ZNF407: variants seen among roughly 807,000 people sequenced by gnomAD.
The protein encoded by ZNF407 is zinc finger protein 407.
A neutral mutation model predicts 131.2 loss-of-function variants in ZNF407; 17 were observed. That is an observed-to-expected ratio of 0.13 (90% confidence interval 0.09 to 0.19). The LOEUF (loss-of-function observed/expected upper bound fraction) is 0.19. ZNF407 is among the 10% of genes least tolerant of loss of function. The pLI, the probability that ZNF407 is intolerant of heterozygous loss-of-function variation, is 1.00. For synonymous variants in ZNF407, 1,156 were observed against 1,062.0 expected, an observed-to-expected ratio of 1.09 and a Z score of -1.72; for missense variants, 2,681 against 2,830.6, an observed-to-expected ratio of 0.95 and a Z score of 1.20.
At chr18:74,696,870 C>T (rs1967370887) in intron 3 of ZNF407, among the ~76,000 whole-genome samples, 1 of 152,120 alleles carries the variant, frequency 6.6e-6, no homozygotes. Flanking sequence ...GCATCCTTCA[C>T]AGACCTTTTT....
intron 3 of ZNF407, among the ~76,000 whole-genome samples, chr18:74,671,330 G>GTT (rs199618461): frequency 9.4e-5 from 14 of 149,236 alleles, no homozygotes; most frequent in African/African-American, 3.4e-4. Flanking sequence ...GTTTTTTTTT[G>GTT]TTTTTTTTGG....
chr18:74,772,042 G>A (rs1313652340), intron 3 of ZNF407, among the ~76,000 whole-genome samples: 1 of 152,176 alleles, frequency 6.6e-6, no homozygotes, highest in Non-Finnish European at 1.5e-5. Flanking sequence ...GAAGTATGGA[G>A]TGGTGGAGAG....
intron 1 of ZNF407, among the ~76,000 whole-genome samples, chr18:74,628,931 C>T (rs1202824325): frequency 6.6e-6 from 1 of 152,136 alleles, no homozygotes; most frequent in Admixed American, 6.5e-5. Context: ...GTGGATACCG[C>T]ATTTTCTTGA....
intron 1 of ZNF407, among the ~76,000 whole-genome samples, chr18:74,607,563 C>G (rs958192966): frequency 2.5e-4 from 38 of 151,948 alleles, no homozygotes; most frequent in African/African-American, 8.9e-4. Context: ...CTGTTTGTCA[C>G]GACCACTGGC....
chr18:74,726,200 C>A (rs1348688450), intron 3 of ZNF407, among the ~76,000 whole-genome samples: 1 of 152,128 alleles, frequency 6.6e-6, no homozygotes, highest in Non-Finnish European at 1.5e-5. Context: ...TTCGTTGCAT[C>A]TCAAGCTCTT....
chr18:74,938,848 T>G (rs180978246), intron 8 of ZNF407, among the ~76,000 whole-genome samples: 2 of 152,142 alleles, frequency 1.3e-5, no homozygotes, highest in Non-Finnish European at 2.9e-5. Flanking sequence ...CTCTAGAAAA[T>G]GATCTGTTCA....
chr18:74,700,022 A>C (rs1442531928), intron 3 of ZNF407, among the ~76,000 whole-genome samples: 4 of 152,144 alleles, frequency 2.6e-5, no homozygotes, highest in Non-Finnish European at 4.4e-5. Context: ...CCATAGCATA[A>C]ATATGGTTAC....
chr18:74,886,241 G>C (rs1347616114), intron 6 of ZNF407, among the ~76,000 whole-genome samples: 2 of 152,168 alleles, frequency 1.3e-5, no homozygotes, highest in African/African-American at 4.8e-5. Context: ...AGGAATGCAG[G>C]TGTAAAGCGT....
In ZNF407 at chr18:74,920,700, A is replaced by G; in HGVS notation, c.5428+8A>G. ...TCGCTTACCTGCATGCTGGTAAGGG[A>G]CAGAAACTGTGAAAACTTGTTTCTA... On this transcript the variant is annotated splice_region_variant and intron_variant, in intron 8 of 8. Transcript: ENST00000299687. The G allele has an allele frequency of 6.3e-7, 1 of 1,587,846 alleles. No homozygotes were observed. The highest frequency in any genetic ancestry group is 1.1e-5 in the South Asian group (1 of 89,620).
At chr18:75,029,617 C>CTGGGTGTGCG (rs1057370215) in intron 8 of ZNF407, among the ~76,000 whole-genome samples, 19 of 150,204 alleles carry the variant, frequency 1.3e-4, no homozygotes, top group Non-Finnish European at 2.2e-4. Flanking sequence ...GTGTGTGTGC[C>CTGGGTGTGCG]TGGGTGTGCG....
chr18:75,033,667 A>G (rs1423712224), intron 8 of ZNF407, among the ~76,000 whole-genome samples: 1 of 152,222 alleles, frequency 6.6e-6, no homozygotes. Context: ...GTGCAGAGTA[A>G]TGATTCAGAC....
intron 3 of ZNF407, among the ~76,000 whole-genome samples, chr18:74,722,052 C>G (rs1968049502): frequency 6.8e-6 from 1 of 147,904 alleles, no homozygotes; most frequent in Non-Finnish European, 1.5e-5. Flanking sequence ...GATTTTCTCA[C>G]TGTCTTTGTC....
At position 74,632,764 on chromosome 18, in the gene ZNF407, A is replaced by G. The variant is rs1463195883; in HGVS notation, c.1745A>G (p.Gln582Arg). The G allele has an allele frequency of 6.2e-7, 1 of 1,613,950 alleles. No homozygotes were observed. The highest frequency in any genetic ancestry group is 8.5e-7 in the Non-Finnish European group (1 of 1,179,906). Residue 582 changes from glutamine to arginine, a missense_variant, in exon 2 of 9, where the codon CAG (glutamine) becomes CGG (arginine). Physicochemically the swap from Gln to Arg is conservative, Grantham distance 43 (BLOSUM62 1). Around this residue, in one of 6 missense-constraint regions of ZNF407, gnomAD observed 1,789 missense variants for 1,748.7 expected, o/e 1.02. Coordinates refer to ENST00000299687, the MANE Select transcript of ZNF407 (RefSeq NM_017757.3). ...GAACATTTGCACAGTAACCAGCATC[A>G]GCAAACTGCTTCTGTCCTGAGTTGT... ...LDEHLHSNQH[Q>R]QTASVLSCQC...
chr18:75,042,028 C>G lies in ZNF407; in HGVS notation c.5429-21122C>G, dbSNP rs556146348. Among the ~76,000 whole-genome samples, 3 of 151,724 alleles carry G rather than the reference C, an allele frequency of 2.0e-5. No homozygotes were observed. In the South Asian group the frequency reaches 6.3e-4, roughly 32 times the overall value. On this transcript the variant is annotated intron_variant, in intron 8 of 8. Coordinates refer to ENST00000299687, the MANE Select transcript of ZNF407 (RefSeq NM_017757.3). ...ATTTGGCCTTTCTGAATATCCCTTGCCCTTTGAATTAGCCTTGCTCATTTC... is the reference window on the plus strand; with the variant it reads ...ATTTGGCCTTTCTGAATATCCCTTGGCCTTTGAATTAGCCTTGCTCATTTC...
At chr18:74,808,123 C>T (rs1970140923) in intron 4 of ZNF407, among the ~76,000 whole-genome samples, 1 of 152,122 alleles carries the variant, frequency 6.6e-6, no homozygotes, top group Non-Finnish European at 1.5e-5. Context: ...AGATGATTCT[C>T]CTACCTCAGT....
At chr18:74,612,975 T>G in intron 1 of ZNF407, among the ~76,000 whole-genome samples, 1 of 152,206 alleles carries the variant, frequency 6.6e-6, no homozygotes, top group Non-Finnish European at 1.5e-5. Flanking sequence ...TTTAAAAATC[T>G]TAGTAAGTTT....
chr18:74,804,810 G>A (rs1013701103), intron 4 of ZNF407, among the ~76,000 whole-genome samples: 1 of 152,156 alleles, frequency 6.6e-6, no homozygotes, highest in African/African-American at 2.4e-5. Context: ...TCAATTTAAA[G>A]TAACACTAAG....
At chr18:74,667,208 G>A (rs1985964995) in intron 3 of ZNF407, among the ~76,000 whole-genome samples, 1 of 152,182 alleles carries the variant, frequency 6.6e-6, no homozygotes, top group Non-Finnish European at 1.5e-5. Flanking sequence ...CTCCTCGTCT[G>A]TTTCCAGTGT....
chr18:74,941,880 G>C (rs1023838984), intron 8 of ZNF407, among the ~76,000 whole-genome samples: 1 of 152,168 alleles, frequency 6.6e-6, no homozygotes, highest in African/African-American at 2.4e-5. Flanking sequence ...TCCAGGGCTC[G>C]AGTTATTTCC....
Sources: allele counts gnomAD v4.1 joint callset (sites outside exome capture counted in the v4.1 genomes callset), GRCh38; gene constraint gnomAD v4.1.1; regional missense constraint gnomAD v4.1.1; transcripts MANE v1.5; gene names NCBI Gene and HGNC (gene_info 2026-07-23, HGNC 2026-07-21).